SATB1: variants seen among roughly 807,000 people sequenced by gnomAD.
The protein encoded by SATB1 is DNA-binding protein SATB1.
In SATB1, 11 loss-of-function variants were observed where a neutral mutation model predicts 86.9. The ratio of observed to expected loss-of-function variants is 0.13; its 90% CI spans 0.08 to 0.21. The LOEUF is 0.21. SATB1 is among the 10% of genes least tolerant of loss of function. The probability of loss-of-function intolerance (pLI) is 1.00; values close to 1 mark genes in which losing one functional copy is unlikely to be tolerated. For missense variants in SATB1, 551 were observed against 937.6 expected, an observed-to-expected ratio of 0.59 and a Z score of 5.39; for synonymous variants, 357 against 357.2, an observed-to-expected ratio of 1.00 and a Z score of 0.01.
rs1694269311 is a variant in SATB1 at position 18,349,920 on chromosome 3, T to C, written c.1780-238A>G. ...TTTGGGGGGCTACTGCACTTACTTATCAGAGATCAGCAGAGGAAGTGAAAA... is the reference window on the plus strand; with the variant it reads ...TTTGGGGGGCTACTGCACTTACTTACCAGAGATCAGCAGAGGAAGTGAAAA... On this transcript the variant is annotated intron_variant, in intron 10 of 10. Coordinates refer to ENST00000338745, the MANE Select transcript of SATB1 (RefSeq NM_002971.6). The surrounding 1 kb of genome is among the most constrained non-coding windows in gnomAD (Gnocchi z 5.5). The C allele has an allele frequency of 1.7e-6, 1 of 601,472 alleles. No homozygotes were observed. Among genetic ancestry groups the C allele is most frequent in the Non-Finnish European group, 2.7e-6 (1 of 372,772 alleles). The allele number at this position is 601,472 out of a possible 1,614,324, so 37.3% of individuals were successfully genotyped here. A position where few individuals can be genotyped will look rare whatever the true frequency, so the allele number is the denominator to read the frequency against.
intron 9 of SATB1, among the ~76,000 whole-genome samples, chr3:18,374,279 T>A (rs1338146880): frequency 3.3e-5 from 5 of 152,134 alleles, no homozygotes; most frequent in Non-Finnish European, 7.3e-5. Context: ...TCCATTTCCA[T>A]CTCCCATATG....
Position 18,378,221 on chromosome 3 carries a change from A to T in SATB1, c.1524T>A (p.Arg508=). Residue 508 remains arginine (R), a synonymous_variant, in exon 9 of 11, where the codon CGT becomes CGA. Coordinates refer to ENST00000338745, the MANE Select transcript of SATB1 (RefSeq NM_002971.6). The part of the protein sequence containing the change: ...IYDEIQQEMK[R]AKVSQALFAK... The stretch of plus-strand genomic sequence containing the variant: ...CAAACAGTGCTTGAGACACTTTAGC[A>T]CGCTTCATTTCCTGCTGAATCTCAT... 1 of 1,610,032 alleles carries T rather than the reference A, an allele frequency of 6.2e-7. No homozygotes were observed. Among genetic ancestry groups the T allele is most frequent in the Non-Finnish European group, 8.5e-7 (1 of 1,178,464 alleles).
intron 9 of SATB1, among the ~76,000 whole-genome samples, chr3:18,366,079 C>T (rs1470544123): frequency 6.6e-6 from 1 of 152,146 alleles, no homozygotes; most frequent in African/African-American, 2.4e-5. Context: ...CAACCAAATA[C>T]TTCATCAGTA....
At chr3:18,389,675 CA>C (rs1696541217) in intron 7 of SATB1, among the ~76,000 whole-genome samples, 1 of 152,022 alleles carries the variant, frequency 6.6e-6, no homozygotes, top group Non-Finnish European at 1.5e-5. Flanking sequence ...TTATTTATGT[CA>C]TAGAATATGC....
chr3:18,381,714 T>A (rs1421511999), intron 8 of SATB1, among the ~76,000 whole-genome samples: 6 of 152,176 alleles, frequency 3.9e-5, no homozygotes, highest in African/African-American at 1.4e-4. Flanking sequence ...TAATAGCTAT[T>A]GATTTTTGAT....
chr3:18,444,924 G>A lies in SATB1; in HGVS notation c.-25+594C>T, dbSNP rs1261235131. On this transcript the variant is annotated intron_variant, in intron 1 of 3. Transcript: ENST00000415069. The surrounding 1 kb of genome is among the most constrained non-coding windows in gnomAD (Gnocchi z 5.1). The stretch of plus-strand genomic sequence containing the variant: ...GTTAACGGGCGGGGGGGGGAGAAGG[G>A]GGAGGGGGCGGCGGCGGGGGCGGGA... 7.5e-6 allele frequency: 1 copy of A among 132,914 alleles called. No individual in the cohort carries two copies. The highest frequency in any genetic ancestry group is 1.7e-5 in the Non-Finnish European group (1 of 59,866). The allele number at this position is 132,914 out of a possible 1,614,324, so 8.2% of individuals were successfully genotyped here. A position where few individuals can be genotyped will look rare whatever the true frequency, so the allele number is the denominator to read the frequency against.
chr3:18,410,806 ATAAAG>A, intron 5 of SATB1: 1 of 337,416 alleles, frequency 3.0e-6, no homozygotes, highest in Admixed American at 4.8e-5. Context: ...AAACTGTGAA[ATAAAG>A]TACAGTTTAT....
chr3:18,366,056 C>T (rs2125158554), intron 9 of SATB1, among the ~76,000 whole-genome samples: 1 of 152,252 alleles, frequency 6.6e-6, no homozygotes, highest in East Asian at 1.9e-4. Context: ...ACCTAATCTG[C>T]ATTTCATTTA....
At position 18,415,132 on chromosome 3, in the gene SATB1, G is replaced by T; in HGVS notation, c.618C>A (p.Ala206=). 6.2e-7 allele frequency: 1 copy of T among 1,612,856 alleles called. No individual in the cohort carries two copies. Among genetic ancestry groups the T allele is most frequent in the South Asian group, 1.1e-5 (1 of 91,042 alleles). Residue 206 remains alanine (A), a synonymous_variant, in exon 5 of 11, where the codon GCC becomes GCA. Transcript: ENST00000338745. ...LLKDMNQSSL[A]KECPLSQSMI... ...GTACCTGTGAAAGGGGGCACTCCTT[G>T]GCCAATGAACTCTGATTCATATCTT...
At chr3:18,358,178 A>G (rs370829382) in intron 9 of SATB1, among the ~76,000 whole-genome samples, 2 of 152,114 alleles carry the variant, frequency 1.3e-5, no homozygotes, top group South Asian at 2.1e-4. Flanking sequence ...GTTGAGGGCA[A>G]GAAGCGATGC....
In SATB1 at chr3:18,443,818, C is replaced by G. The variant is rs926790086; in HGVS notation, c.-25+1700G>C. ...CTGCGAGGCTGCACCTGTGATGTCC[C>G]GGCCCCTGCTAAGAGGACGGCCCTT... On this transcript the variant is annotated intron_variant, in intron 1 of 3. Coordinates refer to the SATB1 transcript ENST00000415069. The surrounding 1 kb of genome is among the most constrained non-coding windows in gnomAD (Gnocchi z 4.4). Among the ~76,000 whole-genome samples, 1 of 152,190 alleles carries G rather than the reference C, an allele frequency of 6.6e-6. No homozygotes were observed. The highest frequency in any genetic ancestry group is 2.4e-5 in the African/African-American group (1 of 41,444).
intron 5 of SATB1, among the ~76,000 whole-genome samples, chr3:18,414,237 G>A (rs566638809): frequency 6.6e-6 from 1 of 152,156 alleles, no homozygotes; most frequent in Non-Finnish European, 1.5e-5. Context: ...TGGGTACTGA[G>A]GGGATGACTA....
intron 9 of SATB1, among the ~76,000 whole-genome samples, chr3:18,355,483 A>AG (rs1694584949): frequency 6.6e-6 from 1 of 152,042 alleles, no homozygotes; most frequent in African/African-American, 2.4e-5. Flanking sequence ...TGATATTGTT[A>AG]GAACAAATAA....
Position 18,352,588 on chromosome 3 carries a change from T to C in SATB1, c.1576-393A>G, listed in dbSNP as rs1042606954. 5.4e-6 allele frequency: 1 copy of C among 184,302 alleles called. No homozygotes were observed. Among genetic ancestry groups the C allele is most frequent in the African/African-American group, 2.4e-5 (1 of 42,386 alleles). 11.4% of individuals were successfully genotyped at this position (184,302 alleles called of 1,614,324 possible). A position where few individuals can be genotyped will look rare whatever the true frequency, so the allele number is the denominator to read the frequency against. On this transcript the variant is annotated intron_variant, in intron 9 of 10. Coordinates refer to ENST00000338745, the MANE Select transcript of SATB1 (RefSeq NM_002971.6). This position sits in a 1 kb window ranked among gnomAD's most constrained non-coding sequence, Gnocchi z 4.1. ...GAAGTGCCTAAGAGGCAGGACAGAT[T>C]TTAGAAATAATTTTTTTCTAAAAGG...
chr3:18,439,792 C>G (rs1397807322), upstream of SATB1, among the ~76,000 whole-genome samples: 2 of 152,040 alleles, frequency 1.3e-5, no homozygotes, highest in African/African-American at 4.8e-5. Flanking sequence ...ATTGTGAGTT[C>G]TGGAATTCAA....
chr3:18,352,160 A>C lies in SATB1; in HGVS notation c.1611T>G (p.Asp537Glu). The C allele has an allele frequency of 6.2e-7, 1 of 1,614,170 alleles. No individual in the cohort carries two copies. Among genetic ancestry groups the C allele is most frequent in the Non-Finnish European group, 8.5e-7 (1 of 1,180,034 alleles). The change falls in exon 10 of 11, where the codon GAT (aspartate) becomes GAG (glutamate). Residue 537 changes from aspartate to glutamate, a missense_variant. By Grantham distance (45) the Asp-to-Glu change is conservative (BLOSUM62 2). Transcript: ENST00000338745. The surrounding 1 kb of genome is among the most constrained non-coding windows in gnomAD (Gnocchi z 4.1). ...WLCELLRWKE[D>E]PSPENRTLWE... The stretch of plus-strand genomic sequence containing the variant: ...ACAGGGTTCTGTTTTCTGGAGAAGG[A>C]TCTTCTTTCCAGCGTAACAGCTCGC...
chr3:18,359,833 C>T (rs1694822045), intron 9 of SATB1, among the ~76,000 whole-genome samples: 1 of 151,680 alleles, frequency 6.6e-6, no homozygotes, highest in African/African-American at 2.4e-5. Flanking sequence ...CTCAGTACTC[C>T]GAAGGTTCAT....
intron 9 of SATB1, among the ~76,000 whole-genome samples, chr3:18,374,806 T>A (rs1427375454): frequency 6.6e-6 from 1 of 152,164 alleles, no homozygotes; most frequent in Non-Finnish European, 1.5e-5. Context: ...TAAATAAATC[T>A]CTATCCATGT....
intron 6 of SATB1, among the ~76,000 whole-genome samples, 198 bp from the exon 7 acceptor site, chr3:18,395,114 A>G (rs1473735819): frequency 6.6e-6 from 1 of 152,198 alleles, no homozygotes; most frequent in African/African-American, 2.4e-5. Flanking sequence ...AACTTTGGAA[A>G]TGGGACAGCA....
Sources: gnomAD v4.1 joint callset for allele counts (sites outside exome capture counted in the v4.1 genomes callset) on GRCh38, gnomAD v4.1.1 for gene constraint, Gnocchi (gnomAD v3.1) non-coding constraint, MANE v1.5 for transcripts, NCBI Gene and HGNC (gene_info 2026-07-23, HGNC 2026-07-21) for gene names.